Variants in GRIK2 observed in about 807,000 individuals in gnomAD.
GRIK2 encodes the protein glutamate receptor ionotropic, kainate 2.
A neutral mutation model predicts 100.3 loss-of-function variants in GRIK2; 32 were observed. That is an observed-to-expected ratio of 0.32 (90% CI 0.24 to 0.43). GRIK2 has a LOEUF of 0.43. GRIK2 is among the 20% of genes least tolerant of loss of function. The pLI is 1.00. For missense variants in GRIK2, 843 were observed against 1,114.9 expected (o/e 0.76, Z 3.47); for synonymous variants, 417 against 389.4 (o/e 1.07, Z -0.83).
At chr6:101,442,039 G>GGGTGGA (rs1770097668) in intron 2 of GRIK2, among the ~76,000 whole-genome samples, 1 of 152,018 alleles carries the variant, frequency 6.6e-6, no homozygotes, top group Non-Finnish European at 1.5e-5. Context: ...AGATAAGAGT[G>GGGTGGA]GGTGGAGGTA....
chr6:101,824,255 C>T (rs962589215), intron 10 of GRIK2, among the ~76,000 whole-genome samples: 1 of 151,934 alleles, frequency 6.6e-6, no homozygotes, highest in Non-Finnish European at 1.5e-5. Flanking sequence ...TATACCGTAC[C>T]CAATTTTGCA....
At chr6:101,777,120 T>C (rs1778795785) in intron 7 of GRIK2, among the ~76,000 whole-genome samples, 2 of 152,322 alleles carry the variant, frequency 1.3e-5, no homozygotes, top group South Asian at 4.1e-4. Flanking sequence ...TTCAGAGTAA[T>C]ACAAAGAGCC....
intron 14 of GRIK2, among the ~76,000 whole-genome samples, chr6:101,934,003 C>T (rs1790457218): frequency 6.6e-6 from 1 of 151,484 alleles, no homozygotes. Context: ...TCTCTCTCTC[C>T]CTTTCTTTTT....
chr6:101,977,912 T>C (rs1793489059), intron 14 of GRIK2, among the ~76,000 whole-genome samples: 1 of 152,044 alleles, frequency 6.6e-6, no homozygotes, highest in Admixed American at 6.6e-5. Flanking sequence ...AGGTGGACTA[T>C]ATGACAAACA....
chr6:101,482,135 G>A (rs1772564409), intron 2 of GRIK2, among the ~76,000 whole-genome samples: 2 of 152,102 alleles, frequency 1.3e-5, no homozygotes, highest in Non-Finnish European at 2.9e-5. Context: ...GCAGAAATAC[G>A]TCATTGGTTA....
intron 11 of GRIK2, among the ~76,000 whole-genome samples, chr6:101,867,816 A>G (rs1223675008): frequency 2.6e-5 from 4 of 151,494 alleles, no homozygotes; most frequent in East Asian, 3.9e-4. Flanking sequence ...GAATACTTAA[A>G]AGAAATTGTT....
chr6:101,819,406 G>A (rs1781819878), intron 10 of GRIK2, among the ~76,000 whole-genome samples: 1 of 152,056 alleles, frequency 6.6e-6, no homozygotes, highest in Admixed American at 6.6e-5. Context: ...AGATCTGTAG[G>A]CATGTCAAAA....
intron 2 of GRIK2, among the ~76,000 whole-genome samples, chr6:101,540,895 A>G (rs1047344137): frequency 3.9e-5 from 6 of 151,990 alleles, no homozygotes; most frequent in African/African-American, 1.2e-4. Flanking sequence ...GATACTTTAC[A>G]TGATATATTA....
intron 4 of GRIK2, among the ~76,000 whole-genome samples, chr6:101,634,784 C>T (rs1047231035): frequency 3.3e-5 from 5 of 151,032 alleles, no homozygotes; most frequent in Admixed American, 6.6e-5. Context: ...TTCTATGATA[C>T]GATCACAGGA....
At chr6:101,722,013 T>C (rs1297478604) in intron 7 of GRIK2, among the ~76,000 whole-genome samples, 1 of 152,122 alleles carries the variant, frequency 6.6e-6, no homozygotes, top group South Asian at 2.1e-4. Flanking sequence ...CCATTTGTGC[T>C]TTAATAACCT....
At chr6:101,793,594 A>G (rs906544352) in intron 7 of GRIK2, among the ~76,000 whole-genome samples, 11 of 152,110 alleles carry the variant, frequency 7.2e-5, no homozygotes, top group African/African-American at 2.6e-4. Context: ...GTATCTCGCC[A>G]TGTGAGGTGT....
Position 101,891,432 on chromosome 6 carries a change from G to A in GRIK2, c.1748+1569G>A, listed in dbSNP as rs1018768336. 6.7e-5 allele frequency among the ~76,000 whole-genome samples: 10 copies of A among 148,350 alleles called. No homozygotes were observed. The East Asian group carries it at 1.4e-3, about 21-fold the overall frequency. On this transcript the variant is annotated intron_variant, in intron 12 of 16. Transcript: ENST00000369134. ...CTTGGGAGGCTGAGGCAGGAGAATC[G>A]CTTGAACCTGGGAGGTGGAGGTTGC...
chr6:101,633,959 A>G (rs909153421), intron 4 of GRIK2, among the ~76,000 whole-genome samples: 1 of 152,148 alleles, frequency 6.6e-6, no homozygotes, highest in African/African-American at 2.4e-5. Context: ...ATACTGTTAC[A>G]TGATGTTAGT....
At chr6:101,742,159 A>G (rs759329921) in intron 7 of GRIK2, among the ~76,000 whole-genome samples, 28 of 152,148 alleles carry the variant, frequency 1.8e-4, no homozygotes, top group Non-Finnish European at 3.7e-4. Flanking sequence ...TATCTTTTTA[A>G]TAGTTTTTAG....
At chr6:101,671,347 A>T (rs951602904) in intron 4 of GRIK2, among the ~76,000 whole-genome samples, 91 of 152,132 alleles carry the variant, frequency 6.0e-4, no homozygotes, top group Non-Finnish European at 2.2e-4. Flanking sequence ...CTACCTCTTC[A>T]CATAAATATT....
At chr6:101,913,970 A>G (rs913119347) in intron 12 of GRIK2, among the ~76,000 whole-genome samples, 2 of 151,542 alleles carry the variant, frequency 1.3e-5, no homozygotes, top group African/African-American at 4.8e-5. Context: ...CAATGAATAA[A>G]AAGTATTAAA....
At chr6:101,491,469 A>G (rs753750371) in intron 2 of GRIK2, among the ~76,000 whole-genome samples, 1 of 152,008 alleles carries the variant, frequency 6.6e-6, no homozygotes, top group South Asian at 2.1e-4. Flanking sequence ...AACTTTTTCA[A>G]TGTTTCTAAT....
chr6:101,696,263 C>T (rs1772478048), intron 7 of GRIK2, among the ~76,000 whole-genome samples: 1 of 151,594 alleles, frequency 6.6e-6, no homozygotes, highest in Non-Finnish European at 1.5e-5. Context: ...ATTCTAAAAA[C>T]TATCATAAAT....
At chr6:101,799,497 A>T in intron 7 of GRIK2, 151 bp from the exon 8 acceptor site, 2 of 610,886 alleles carry the variant, frequency 3.3e-6, no homozygotes, top group Non-Finnish European at 5.9e-6. Context: ...TAAGAGAACG[A>T]GAGCATGTTA....
Sources: gnomAD v4.1 joint callset for allele counts (sites outside exome capture counted in the v4.1 genomes callset) on GRCh38, gnomAD v4.1.1 for gene constraint, MANE v1.5 for transcripts, NCBI Gene and HGNC (gene_info 2026-07-23, HGNC 2026-07-21) for gene names.